The following CTNNA2 variants were observed in gnomAD, a reference collection of about 807,000 sequenced individuals.
The protein encoded by CTNNA2 is catenin alpha-2.
A neutral mutation model predicts 101.0 loss-of-function variants in CTNNA2; 42 were observed. The ratio of observed to expected loss-of-function variants is 0.42; its 90% CI spans 0.32 to 0.54. The LOEUF is 0.54. Ranked by LOEUF, CTNNA2 falls within the 20% of genes least tolerant of loss-of-function variation. The pLI is 0.14. For synonymous variants in CTNNA2, 450 were observed against 456.4 expected (o/e 0.99, Z 0.18); for missense variants, 871 against 1,223.1 (o/e 0.71, Z 4.29).
At chr2:79,361,794 G>C (rs1677635804) in intron 3 of CTNNA2, among the ~76,000 whole-genome samples, 1 of 152,150 alleles carries the variant, frequency 6.6e-6, no homozygotes, top group South Asian at 2.1e-4. Context: ...CAGCATGGGA[G>C]AAAGATATAG....
chr2:79,971,568 C>T (rs562740835), intron 7 of CTNNA2, among the ~76,000 whole-genome samples: 1 of 152,224 alleles, frequency 6.6e-6, no homozygotes, highest in African/African-American at 2.4e-5. Flanking sequence ...TTATAATTAT[C>T]CCCCTTTTCA....
At chr2:80,350,985 T>A (rs1219600015) in intron 7 of CTNNA2, among the ~76,000 whole-genome samples, 1 of 152,198 alleles carries the variant, frequency 6.6e-6, no homozygotes, top group Non-Finnish European at 1.5e-5. Flanking sequence ...ACACTTCAGA[T>A]GACCTAAAGC....
intron 7 of CTNNA2, among the ~76,000 whole-genome samples, chr2:80,144,704 C>A (rs556304513): frequency 6.6e-6 from 1 of 152,186 alleles, no homozygotes; most frequent in Non-Finnish European, 1.5e-5. Flanking sequence ...TGTAGTTGAT[C>A]AACAGAGCTG....
chr2:80,315,061 A>G (rs1677972464), intron 7 of CTNNA2, among the ~76,000 whole-genome samples: 2 of 152,228 alleles, frequency 1.3e-5, no homozygotes, highest in African/African-American at 4.8e-5. Context: ...AAAACAGAAA[A>G]TAGTTAAAAT....
At chr2:80,252,074 G>C (rs1281231746) in intron 7 of CTNNA2, among the ~76,000 whole-genome samples, 2 of 152,160 alleles carry the variant, frequency 1.3e-5, no homozygotes, top group Non-Finnish European at 2.9e-5. Context: ...GCAAGCTTCA[G>C]CATGTTGCTT....
intron 2 of CTNNA2, among the ~76,000 whole-genome samples, chr2:79,217,384 A>C (rs12988208): frequency 4.0e-5 from 6 of 151,822 alleles, no homozygotes; most frequent in Non-Finnish European, 8.8e-5. Flanking sequence ...ACCTGGGTGC[A>C]GGGGGGCTGA....
chr2:79,627,236 C>A (rs1679378305), intron 1 of CTNNA2, among the ~76,000 whole-genome samples: 2 of 152,238 alleles, frequency 1.3e-5, no homozygotes, highest in Admixed American at 6.5e-5. Flanking sequence ...AACCAGGTTT[C>A]TTCCAACTCT....
chr2:80,053,620 AATGCAGTTTCTG>A (rs1471459684), intron 7 of CTNNA2, among the ~76,000 whole-genome samples: 1 of 152,180 alleles, frequency 6.6e-6, no homozygotes, highest in African/African-American at 2.4e-5. Flanking sequence ...ACCTTGTTAA[AATGCAGTTTCTG>A]ATTCTGTCTC....
intron 7 of CTNNA2, among the ~76,000 whole-genome samples, chr2:79,975,388 T>G (rs1690763015): frequency 1.3e-5 from 2 of 152,160 alleles, no homozygotes; most frequent in South Asian, 2.1e-4. Context: ...AGACCCCAGA[T>G]GTGTGGGAGT....
chr2:79,779,630 A>C (rs1438844871), intron 3 of CTNNA2, among the ~76,000 whole-genome samples: 1 of 152,164 alleles, frequency 6.6e-6, no homozygotes, highest in Non-Finnish European at 1.5e-5. Context: ...ACATTTTAGC[A>C]GCAGATAATT....
intron 7 of CTNNA2, among the ~76,000 whole-genome samples, chr2:80,197,547 G>A (rs1235304551): frequency 6.6e-6 from 1 of 152,150 alleles, no homozygotes; most frequent in Non-Finnish European, 1.5e-5. Context: ...AACTAGTCAT[G>A]ATGAAGCCAG....
At chr2:79,531,733 G>A (rs1406716855) in intron 1 of CTNNA2, among the ~76,000 whole-genome samples, 1 of 151,500 alleles carries the variant, frequency 6.6e-6, no homozygotes, top group Non-Finnish European at 1.5e-5. Context: ...CCAGGCTGGA[G>A]TGCAATGGCA....
intron 7 of CTNNA2, among the ~76,000 whole-genome samples, chr2:80,089,270 A>C (rs1699635128): frequency 6.6e-6 from 1 of 152,018 alleles, no homozygotes; most frequent in African/African-American, 2.4e-5. Context: ...GTTGTTGGAA[A>C]ATGTAGAGCT....
chr2:79,762,902 A>C (rs1573905490), intron 3 of CTNNA2, among the ~76,000 whole-genome samples: 1 of 152,290 alleles, frequency 6.6e-6, no homozygotes, highest in African/African-American at 2.4e-5. Flanking sequence ...ATTTCGAATG[A>C]GTATCTCCTA....
chr2:80,129,739 G>A (rs1702313355), intron 7 of CTNNA2, among the ~76,000 whole-genome samples: 1 of 152,148 alleles, frequency 6.6e-6, no homozygotes, highest in Non-Finnish European at 1.5e-5. Context: ...GAAACTCACA[G>A]CATAAATCAC....
chr2:80,272,999 ATAAAGAT>A (rs1254640160), intron 7 of CTNNA2, among the ~76,000 whole-genome samples: 1 of 152,168 alleles, frequency 6.6e-6, no homozygotes, highest in Non-Finnish European at 1.5e-5. Flanking sequence ...AAGGTGGTTT[ATAAAGAT>A]TATTCTGTTG....
At chr2:79,999,715 T>C (rs1200390264) in intron 7 of CTNNA2, among the ~76,000 whole-genome samples, 1 of 152,240 alleles carries the variant, frequency 6.6e-6, no homozygotes, top group Admixed American at 6.5e-5. Flanking sequence ...TCAACAAATA[T>C]TTATTGCATC....
chr2:79,816,511 T>C (rs1367591971), intron 3 of CTNNA2, among the ~76,000 whole-genome samples: 1 of 151,586 alleles, frequency 6.6e-6, no homozygotes, highest in Admixed American at 6.6e-5. Flanking sequence ...GCAGGAAGAG[T>C]TAATATAAAA....
intron 2 of CTNNA2, among the ~76,000 whole-genome samples, chr2:79,699,398 A>G (rs987941941): frequency 6.6e-6 from 1 of 152,036 alleles, no homozygotes; most frequent in Non-Finnish European, 1.5e-5. Flanking sequence ...TAGATGATAG[A>G]TAAGTGGATA....
Sources: allele counts gnomAD v4.1 joint callset (sites outside exome capture counted in the v4.1 genomes callset), GRCh38; gene constraint gnomAD v4.1.1; transcripts MANE v1.5; gene names NCBI Gene and HGNC (gene_info 2026-07-23, HGNC 2026-07-21).